OR4Q3: variants seen among roughly 807,000 people sequenced by gnomAD.
OR4Q3 encodes the protein olfactory receptor 4Q3.
OR4Q3 carries 17 observed loss-of-function variants against 18.8 expected under a neutral mutation model. The observed-to-expected ratio is 0.91, with a 90% CI of 0.62 to 1.36. OR4Q3 has a LOEUF of 1.36. OR4Q3 is among the 40% of genes most tolerant of loss of function. The pLI is 0.00. For synonymous variants in OR4Q3, 158 were observed against 145.8 expected (o/e 1.08, Z -0.60); for missense variants, 378 against 373.4 (o/e 1.01, Z -0.10).
At chr14:19,747,643 A>T in exon 2 of OR4Q3, 1 of 1,614,056 alleles carries the variant, frequency 6.2e-7, no homozygotes, top group Non-Finnish European at 8.5e-7. Context: ...TCATTGACCT[A>T]TGCCTGAGCT....
chr14:19,746,021 A>G, intron 1 of OR4Q3, among the ~76,000 whole-genome samples: 3 of 152,092 alleles, frequency 2.0e-5, no homozygotes, highest in Admixed American at 2.0e-4. Flanking sequence ...TTGGAATAAC[A>G]TCCTAGAGAA....
intron 1 of OR4Q3, among the ~76,000 whole-genome samples, chr14:19,744,617 AT>A (rs1300893631): frequency 7.2e-5 from 11 of 152,044 alleles, no homozygotes; most frequent in African/African-American, 2.4e-4. Flanking sequence ...AGCATTCTCA[AT>A]TTTTTTGGCT....
At chr14:19,750,935 T>C, downstream of OR4Q3, among the ~76,000 whole-genome samples, 1 of 152,246 alleles carries the variant, frequency 6.6e-6, no homozygotes, top group Non-Finnish European at 1.5e-5. Context: ...TTGGATATCC[T>C]GAAGTGCAGG....
At chr14:19,747,660 C>T in exon 2 of OR4Q3, 3 of 1,614,032 alleles carry the variant, frequency 1.9e-6, no homozygotes, top group Admixed American at 1.7e-5. Context: ...AGCTGTGTTA[C>T]TGTGCCAAAG....
At chr14:19,745,035 A>T in intron 1 of OR4Q3, among the ~76,000 whole-genome samples, 1 of 150,472 alleles carries the variant, frequency 6.6e-6, no homozygotes, top group East Asian at 1.9e-4. Flanking sequence ...TTGCAAATTT[A>T]TTGTCATTAA....
At chr14:19,751,426 AT>A, downstream of OR4Q3, among the ~76,000 whole-genome samples, 4 of 151,596 alleles carry the variant, frequency 2.6e-5, no homozygotes, top group South Asian at 8.3e-4. Flanking sequence ...TTCCTTTTTT[AT>A]TTTTTTGGGA....
chr14:19,746,353 G>C, intron 1 of OR4Q3, among the ~76,000 whole-genome samples: 4 of 152,252 alleles, frequency 2.6e-5, no homozygotes, highest in African/African-American at 7.2e-5. Flanking sequence ...ATCAAATGTT[G>C]GGGATGAATA....
intron 1 of OR4Q3, among the ~76,000 whole-genome samples, chr14:19,746,216 T>C: frequency 0.13 from 19,081 of 149,200 alleles, 559 homozygotes; most frequent in South Asian, 0.23. Context: ...TCTTATTTCA[T>C]ATTTTGTCTA....
At chr14:19,750,755 A>G, downstream of OR4Q3, among the ~76,000 whole-genome samples, 3 of 152,242 alleles carry the variant, frequency 2.0e-5, no homozygotes, top group Non-Finnish European at 2.9e-5. Context: ...CTCACAGACT[A>G]GGAACTAGGC....
downstream of OR4Q3, among the ~76,000 whole-genome samples, chr14:19,749,721 T>C: frequency 6.6e-6 from 1 of 150,610 alleles, no homozygotes; most frequent in East Asian, 1.9e-4. Flanking sequence ...GATTGCTTCT[T>C]TCTTTCTTTT....
chr14:19,746,083 C>T, intron 1 of OR4Q3, among the ~76,000 whole-genome samples: 1 of 151,686 alleles, frequency 6.6e-6, no homozygotes, highest in African/African-American at 2.4e-5. Flanking sequence ...TACTTTTCTG[C>T]ATTGTCTATG....
At chr14:19,747,316 T>G in intron 1 of OR4Q3, 90 bp from the exon 2 acceptor site, 1 of 560,490 alleles carries the variant, frequency 1.8e-6, no homozygotes, top group Non-Finnish European at 2.7e-6. Context: ...ATAATTTTTA[T>G]GTAATTTATA....
chr14:19,746,283 T>C, intron 1 of OR4Q3, among the ~76,000 whole-genome samples: 1 of 152,172 alleles, frequency 6.6e-6, no homozygotes, highest in Non-Finnish European at 1.5e-5. Context: ...TTTTAACTAC[T>C]TCAATGGAAG....
intron 1 of OR4Q3, among the ~76,000 whole-genome samples, chr14:19,745,849 C>G: frequency 6.6e-6 from 1 of 152,164 alleles, no homozygotes; most frequent in Non-Finnish European, 1.5e-5. Flanking sequence ...CCAATTGACT[C>G]TAGAAAGTGA....
downstream of OR4Q3, among the ~76,000 whole-genome samples, chr14:19,751,772 C>T: frequency 1.3e-5 from 2 of 150,510 alleles, no homozygotes; most frequent in Non-Finnish European, 3.0e-5. Flanking sequence ...TCATTTGGAT[C>T]TTTTTTTTTA....
chr14:19,744,302 G>T (rs1255226933), intron 1 of OR4Q3, among the ~76,000 whole-genome samples: 1 of 151,038 alleles, frequency 6.6e-6, no homozygotes, highest in Non-Finnish European at 1.5e-5. Flanking sequence ...CTATTGTTGA[G>T]GTAGTCAAAT....
intron 1 of OR4Q3, among the ~76,000 whole-genome samples, chr14:19,746,306 G>GTTCTC: frequency 8.5e-5 from 13 of 152,248 alleles, no homozygotes; most frequent in African/African-American, 2.2e-4. Flanking sequence ...ATGTATCAAT[G>GTTCTC]TTCTCTGATT....
exon 2 of OR4Q3, chr14:19,747,422 G>A: frequency 6.3e-7 from 1 of 1,580,528 alleles, no homozygotes; most frequent in East Asian, 2.2e-5. Flanking sequence ...TGATATTCTT[G>A]GCTTGATGAA....
At chr14:19,751,665 A>G, downstream of OR4Q3, among the ~76,000 whole-genome samples, 1 of 152,034 alleles carries the variant, frequency 6.6e-6, no homozygotes, top group South Asian at 2.1e-4. Flanking sequence ...CAGATTTTCT[A>G]ATTTGTGTGC....
Sources: gnomAD v4.1 joint callset for allele counts (sites outside exome capture counted in the v4.1 genomes callset) on GRCh38, gnomAD v4.1.1 for gene constraint, MANE v1.5 for transcripts, NCBI Gene and HGNC (gene_info 2026-07-23, HGNC 2026-07-21) for gene names.